Variants in CCDC7 observed in about 807,000 individuals in gnomAD.
CCDC7 encodes the protein coiled-coil domain containing 7.
A neutral mutation model predicts 196.9 loss-of-function variants in CCDC7; 183 were observed. The ratio of observed to expected loss-of-function variants is 0.93; its 90% confidence interval spans 0.82 to 1.05. CCDC7 has a LOEUF of 1.05. Ranked by LOEUF, CCDC7 falls within the 50% of genes least tolerant of loss-of-function variation. CCDC7 has a pLI of 0.00. For missense variants in CCDC7, 1,540 were observed against 1,482.2 expected (o/e 1.04, Z -0.64); for synonymous variants, 525 against 484.6 (o/e 1.08, Z -1.10).
intron 25 of CCDC7, among the ~76,000 whole-genome samples, chr10:32,716,579 C>T (rs2081613274): frequency 6.6e-6 from 1 of 151,950 alleles, no homozygotes; most frequent in African/African-American, 2.4e-5. Context: ...GAGAAAATGC[C>T]TCAATTAAAA....
At chr10:32,714,520 C>T (rs1233321192) in intron 25 of CCDC7, among the ~76,000 whole-genome samples, 1 of 152,116 alleles carries the variant, frequency 6.6e-6, no homozygotes. Flanking sequence ...TTTTCATAAC[C>T]CAGTGGCACA....
At chr10:32,525,496 G>C (rs1035926019) in intron 11 of CCDC7, among the ~76,000 whole-genome samples, 1 of 152,234 alleles carries the variant, frequency 6.6e-6, no homozygotes, top group Middle Eastern at 3.4e-3. Context: ...ACAGCTATTT[G>C]AGTTCTCTTT....
At chr10:32,839,082 A>C (rs773400317) in intron 33 of CCDC7, among the ~76,000 whole-genome samples, 9 of 151,882 alleles carry the variant, frequency 5.9e-5, no homozygotes, top group Non-Finnish European at 1.2e-4. Context: ...CAGTGGGGAG[A>C]AAAAAAGGTA....
chr10:32,491,693 T>C (rs973543505), intron 8 of CCDC7, among the ~76,000 whole-genome samples: 7 of 152,128 alleles, frequency 4.6e-5, no homozygotes, highest in African/African-American at 1.7e-4. Context: ...TCTTATTTTT[T>C]AGATTAAGAA....
At chr10:32,834,423 T>C (rs2092442380) in intron 32 of CCDC7, among the ~76,000 whole-genome samples, 1 of 152,112 alleles carries the variant, frequency 6.6e-6, no homozygotes, top group African/African-American at 2.4e-5. Context: ...GTATGAAGTA[T>C]GAATGTGTTT....
chr10:32,541,796 G>T lies in CCDC7; in HGVS notation c.994-1504G>T, dbSNP rs369907221. Among the ~76,000 whole-genome samples the T allele has an allele frequency of 6.6e-5, 10 of 152,318 alleles. No individual in the cohort carries two copies. The East Asian group carries it at 1.4e-3, about 21-fold the overall frequency. On this transcript the variant is annotated intron_variant, in intron 11 of 41. Coordinates refer to ENST00000639629, the Ensembl canonical transcript of CCDC7. ...TGTGGTGGAGTTGGTGGGGGCCCAG[G>T]GGGATTCTCCCACTCCCAGTCTTGC... is the stretch of plus-strand genomic sequence containing the variant.
chr10:32,636,045 G>T (rs1345758460), intron 20 of CCDC7, among the ~76,000 whole-genome samples: 3 of 151,968 alleles, frequency 2.0e-5, no homozygotes, highest in African/African-American at 4.8e-5. Context: ...AGACACCTCT[G>T]TGTATCTAAA....
At chr10:32,495,185 A>G (rs1405081713) in intron 9 of CCDC7, among the ~76,000 whole-genome samples, 2 of 152,024 alleles carry the variant, frequency 1.3e-5, no homozygotes, top group African/African-American at 4.8e-5. Flanking sequence ...TGGCTGCATA[A>G]ATGTCTTGAG....
At chr10:32,805,679 GAA>G (rs1455910634) in intron 30 of CCDC7, among the ~76,000 whole-genome samples, 1 of 152,154 alleles carries the variant, frequency 6.6e-6, no homozygotes, top group Non-Finnish European at 1.5e-5. Context: ...GGTTAATAGA[GAA>G]TTAAGTAAAA....
chr10:32,712,815 A>G (rs2081041300), intron 25 of CCDC7, among the ~76,000 whole-genome samples: 1 of 152,208 alleles, frequency 6.6e-6, no homozygotes, highest in Admixed American at 6.5e-5. Flanking sequence ...TGCCAAAGGT[A>G]GCACTTATGC....
At chr10:32,750,529 A>G (rs1246363094) in intron 28 of CCDC7, among the ~76,000 whole-genome samples, 1 of 152,190 alleles carries the variant, frequency 6.6e-6, no homozygotes, top group Non-Finnish European at 1.5e-5. Context: ...GAGGTCTGGG[A>G]AAGGTACATG....
intron 18 of CCDC7, among the ~76,000 whole-genome samples, chr10:32,588,202 T>C (rs2059469511): frequency 6.6e-6 from 1 of 152,176 alleles, no homozygotes; most frequent in African/African-American, 2.4e-5. Context: ...AAGAAATAAA[T>C]TTCTTTTCTT....
At chr10:32,759,524 GAAA>G (rs1180940522) in intron 28 of CCDC7, among the ~76,000 whole-genome samples, 1 of 152,062 alleles carries the variant, frequency 6.6e-6, no homozygotes, top group East Asian at 1.9e-4. Flanking sequence ...ATGGTGCTGG[GAAA>G]ACTGGCTAGC....
At chr10:32,826,487 T>G (rs1365265370) in intron 32 of CCDC7, among the ~76,000 whole-genome samples, 6 of 152,190 alleles carry the variant, frequency 3.9e-5, no homozygotes, top group African/African-American at 1.4e-4. Flanking sequence ...GAGTGGGGCA[T>G]GCACAGCAGT....
intron 8 of CCDC7, among the ~76,000 whole-genome samples, chr10:32,487,212 T>C (rs2134327310): frequency 6.6e-6 from 1 of 152,318 alleles, no homozygotes. Context: ...TCTAAACTTC[T>C]CTTCTTACTT....
chr10:32,694,844 T>C (rs1200209590), intron 23 of CCDC7, 35 bp from the exon 25 acceptor site: 2 of 1,272,402 alleles, frequency 1.6e-6, no homozygotes, highest in Non-Finnish European at 2.1e-6. Flanking sequence ...AGGTCTGTTT[T>C]TCCATTAAGA....
chr10:32,879,202 G>C (rs554940660), downstream of CCDC7, among the ~76,000 whole-genome samples: 35 of 125,574 alleles, frequency 2.8e-4, no homozygotes, highest in African/African-American at 9.1e-4. Context: ...TATCATCTAA[G>C]TTTAATATAA....
In CCDC7 at chr10:32,694,853, G is replaced by A. The variant is rs199943643; in HGVS notation, c.2345-26G>A. 2.5e-4 allele frequency: 344 copies of A among 1,354,526 alleles called. No homozygotes were observed. The African/African-American group carries it at 2.7e-3, about 11-fold the overall frequency. 83.9% of individuals were successfully genotyped at this position (1,354,526 alleles called of 1,614,324 possible). ...CACAGTAGGTCTGTTTTTCCATTAA[G>A]AGACTAAATGCATCTCCTTATGTAG... On this transcript the variant is annotated intron_variant, in intron 23 of 41. Transcript: ENST00000639629.
intron 20 of CCDC7, among the ~76,000 whole-genome samples, chr10:32,638,215 C>G (rs977069505): frequency 1.1e-4 from 16 of 152,068 alleles, no homozygotes; most frequent in Non-Finnish European, 1.8e-4. Context: ...AATTCAATAC[C>G]CTTTATATCC....
Sources: allele counts gnomAD v4.1 joint callset (sites outside exome capture counted in the v4.1 genomes callset), GRCh38; gene constraint gnomAD v4.1.1; transcripts MANE v1.5; gene names NCBI Gene and HGNC (gene_info 2026-07-23, HGNC 2026-07-21).